SYNCRIP: variants seen among roughly 807,000 people sequenced by gnomAD.
SYNCRIP encodes heterogeneous nuclear ribonucleoprotein Q.
In SYNCRIP, 9 loss-of-function variants were observed where a neutral mutation model predicts 68.9. The ratio of observed to expected loss-of-function variants is 0.13; its 90% CI spans 0.08 to 0.23. The LOEUF is 0.23. SYNCRIP is among the 10% of genes least tolerant of loss of function. SYNCRIP has a pLI of 1.00. For synonymous variants in SYNCRIP, 258 were observed against 254.0 expected (o/e 1.02, Z -0.15); for missense variants, 414 against 770.6 (o/e 0.54, Z 5.48).
intron 6 of SYNCRIP, among the ~76,000 whole-genome samples, chr6:85,635,774 C>CAAAAAAAAAAAAAAAAA (rs58599854): frequency 1.3e-5 from 1 of 78,908 alleles, no homozygotes; most frequent in African/African-American, 4.7e-5. Context: ...TTCTATCTCC[C>CAAAAAAAAAAAAAAAAA]AAAAAAAAAA....
chr6:85,635,741 G>A (rs1808357747), intron 6 of SYNCRIP, among the ~76,000 whole-genome samples: 1 of 132,478 alleles, frequency 7.5e-6, no homozygotes, highest in Non-Finnish European at 1.5e-5. Context: ...TGGCACTCCT[G>A]CTGTCTAGGT....
Position 85,618,862 on chromosome 6 carries a change from T to C in SYNCRIP, c.1236A>G (p.Lys412=), listed in dbSNP as rs1349904174. The C allele has an allele frequency of 2.5e-6, 4 of 1,613,098 alleles. No homozygotes were observed. Among genetic ancestry groups the C allele is most frequent in the Admixed American group, 1.7e-5 (1 of 59,998 alleles). ...GCCTCTGAGCTTTTCTTTCTTTCCT[T>C]TTCTGATCTGGTGGCTTGGCAAAAA... ...EIVFAKPPDQ[K]RKERKAQRQA... Residue 412 remains lysine (K), a synonymous_variant, in exon 10 of 11, where the codon AAA becomes AAG. Coordinates refer to ENST00000369622, the MANE Select transcript of SYNCRIP (RefSeq NM_006372.5).
At chr6:85,632,349 A>G (rs1401844670) in intron 6 of SYNCRIP, among the ~76,000 whole-genome samples, 1 of 152,234 alleles carries the variant, frequency 6.6e-6, no homozygotes, top group Non-Finnish European at 1.5e-5. Flanking sequence ...TTAGTTATAT[A>G]TAACTAGAAT....
chr6:85,643,761 C>G (rs1809483207), upstream of SYNCRIP: 1 of 152,162 alleles, frequency 6.6e-6, no homozygotes, highest in South Asian at 2.1e-4. Flanking sequence ...GGTCTGTGCG[C>G]GCCCGGCCCC....
chr6:85,641,762 G>A (rs1319067537), intron 1 of SYNCRIP, among the ~76,000 whole-genome samples: 1 of 152,134 alleles, frequency 6.6e-6, no homozygotes, highest in Non-Finnish European at 1.5e-5. Flanking sequence ...AGCTGTGCCC[G>A]TTCGGAAAAT....
chr6:85,623,542 C>T (rs1178414675), intron 7 of SYNCRIP, among the ~76,000 whole-genome samples: 1 of 91,210 alleles, frequency 1.1e-5, no homozygotes, highest in East Asian at 3.5e-4. Context: ...CCAGCCTGGG[C>T]AACAAAGCAA....
At chr6:85,625,450 C>T (rs1806927902) in intron 6 of SYNCRIP, among the ~76,000 whole-genome samples, 1 of 151,554 alleles carries the variant, frequency 6.6e-6, no homozygotes, top group South Asian at 2.1e-4. Context: ...AGCAGTGGCA[C>T]TATCTCGGCT....
intron 4 of SYNCRIP, 68 bp downstream of exon 4, chr6:85,640,153 G>A (rs964801023): frequency 1.4e-5 from 15 of 1,061,954 alleles, no homozygotes; most frequent in South Asian, 1.2e-4. Flanking sequence ...CATACCCAAG[G>A]AATATTTACC....
chr6:85,608,016 T>C (rs1313890231), downstream of SYNCRIP: 3 of 152,068 alleles, frequency 2.0e-5, no homozygotes, highest in Non-Finnish European at 4.4e-5. Flanking sequence ...CCCACAAATA[T>C]ATTGGCAAGT....
At chr6:85,630,658 C>G (rs1359854232) in intron 6 of SYNCRIP, among the ~76,000 whole-genome samples, 2 of 152,080 alleles carry the variant, frequency 1.3e-5, no homozygotes, top group Non-Finnish European at 2.9e-5. Context: ...AATCACAGGG[C>G]AGTAAGTAGC....
intron 8 of SYNCRIP, among the ~76,000 whole-genome samples, chr6:85,621,188 T>C (rs1197267879): frequency 6.6e-6 from 1 of 152,206 alleles, no homozygotes; most frequent in Non-Finnish European, 1.5e-5. Context: ...ATCCTAACTA[T>C]TTTCTCTTCT....
At chr6:85,615,865 C>T (rs191424400) in intron 10 of SYNCRIP, among the ~76,000 whole-genome samples, 111 of 152,326 alleles carry the variant, frequency 7.3e-4, no homozygotes, top group African/African-American at 2.5e-3. Flanking sequence ...TTCCAATATA[C>T]TTGAAGAACA....
In SYNCRIP at chr6:85,614,445, A is replaced by C; in HGVS notation, c.*311T>G. 2 of 1,055,562 alleles carry C rather than the reference A, an allele frequency of 1.9e-6. No homozygotes were observed. The highest frequency in any genetic ancestry group is 2.3e-6 in the Non-Finnish European group (2 of 876,552). The allele number at this position is 1,055,562 out of a possible 1,614,324, so 65.4% of individuals were successfully genotyped here. On this transcript the variant is annotated 3_prime_UTR_variant, in exon 11 of 11. Coordinates refer to ENST00000369622, the MANE Select transcript of SYNCRIP (RefSeq NM_006372.5). ...ACTACCTTTGAAGACACCAAATCTA[A>C]ACACTACTGGAAACATCGTTGACAC...
chr6:85,642,441 A>G (rs1169597416), intron 1 of SYNCRIP, among the ~76,000 whole-genome samples: 3 of 152,080 alleles, frequency 2.0e-5, no homozygotes, highest in Non-Finnish European at 4.4e-5. Flanking sequence ...GCACCGCCCA[A>G]GCTCGCCGCA....
At chr6:85,643,275 C>G (rs778042833), upstream of SYNCRIP, 1 of 152,520 alleles carries the variant, frequency 6.6e-6, no homozygotes, top group East Asian at 2.0e-4. Flanking sequence ...ACTCTCGGCC[C>G]GGTCCCCCAG....
intron 8 of SYNCRIP, among the ~76,000 whole-genome samples, chr6:85,622,113 C>T (rs1159852094): frequency 6.6e-6 from 1 of 152,172 alleles, no homozygotes; most frequent in Non-Finnish European, 1.5e-5. Flanking sequence ...AGCCTCACGC[C>T]TCTAAATCCC....
intron 6 of SYNCRIP, among the ~76,000 whole-genome samples, chr6:85,626,517 A>T (rs1445672547): frequency 6.6e-6 from 1 of 152,208 alleles, no homozygotes; most frequent in African/African-American, 2.4e-5. Context: ...TATTAACTAT[A>T]AGAAAATACC....
chr6:85,613,899 T>C, downstream of SYNCRIP: 1 of 906,024 alleles, frequency 1.1e-6, no homozygotes, highest in Non-Finnish European at 1.3e-6. Context: ...GCAAACCCTT[T>C]GAGACTACCT....
intron 6 of SYNCRIP, 107 bp from the exon 7 acceptor site, chr6:85,624,219 T>TGGCTCACGCCTG: frequency 1.9e-6 from 2 of 1,070,326 alleles, no homozygotes; most frequent in East Asian, 4.9e-5. Flanking sequence ...GTAGTTTACC[T>TGGCTCACGCCTG]TAATTCCCAT....
Sources: gnomAD v4.1 joint callset for allele counts (sites outside exome capture counted in the v4.1 genomes callset) on GRCh38, gnomAD v4.1.1 for gene constraint, MANE v1.5 for transcripts, NCBI Gene and HGNC (gene_info 2026-07-23, HGNC 2026-07-21) for gene names.